Variants in DOCK1 observed in about 807,000 individuals in gnomAD.
DOCK1 encodes the protein dedicator of cytokinesis protein 1.
In DOCK1, 138 loss-of-function variants were observed where a neutral mutation model predicts 262.7. That is an observed-to-expected ratio of 0.53 (90% CI 0.46 to 0.61). The LOEUF (loss-of-function observed/expected upper bound fraction) is 0.61, where lower values mean the gene tolerates loss of function less well. Ranked by LOEUF, DOCK1 falls within the 20% of genes least tolerant of loss-of-function variation. The pLI, the probability that DOCK1 is intolerant of heterozygous loss-of-function variation, is 0.00. For missense variants in DOCK1, 1,908 were observed against 2,370.7 expected (o/e 0.80, Z 4.05); for synonymous variants, 866 against 867.4 (o/e 1.00, Z 0.03).
intron 23 of DOCK1, among the ~76,000 whole-genome samples, chr10:127,067,336 A>G (rs9418829): frequency 0.68 from 103,098 of 151,980 alleles, 35,207 homozygotes; most frequent in South Asian, 0.74. Flanking sequence ...GTCCACAAAT[A>G]TTACTACCTT....
At chr10:127,154,024 A>C in intron 27 of DOCK1, 31 of 797,654 alleles carry the variant, frequency 3.9e-5, no homozygotes, top group Non-Finnish European at 6.8e-5. Flanking sequence ...TGCCAAGCTC[A>C]TCATGGTCAT....
intron 12 of DOCK1, among the ~76,000 whole-genome samples, chr10:127,015,772 C>G (rs1387111748): frequency 1.3e-5 from 2 of 152,088 alleles, no homozygotes; most frequent in Non-Finnish European, 2.9e-5. Context: ...GATTCCATCC[C>G]CACTGTGCTC....
At chr10:127,081,818 A>G (rs1047651012) in intron 23 of DOCK1, among the ~76,000 whole-genome samples, 6 of 152,248 alleles carry the variant, frequency 3.9e-5, no homozygotes, top group Non-Finnish European at 1.5e-5. Flanking sequence ...GAACAAAAAA[A>G]TAGAACCATT....
Position 126,990,607 on chromosome 10 carries a change from T to G in DOCK1, c.473+4T>G. On this transcript the variant is annotated splice_donor_region_variant and intron_variant, in intron 6 of 51. Transcript: ENST00000623213. ...CCAAAATTGATTATGGAAACAGGTTTGTTTATTTGAAAGATGATTTTACGC... is the reference window on the plus strand; with the variant it reads ...CCAAAATTGATTATGGAAACAGGTTGGTTTATTTGAAAGATGATTTTACGC... The G allele has an allele frequency of 6.2e-7, 1 of 1,613,024 alleles. No homozygotes were observed.
intron 28 of DOCK1, among the ~76,000 whole-genome samples, chr10:127,256,774 T>C (rs993382205): frequency 6.6e-6 from 1 of 152,184 alleles, no homozygotes; most frequent in Non-Finnish European, 1.5e-5. Context: ...CGGTAGCTTT[T>C]GGGGATGTAG....
rs771997714 is a variant in DOCK1, at chr10:127,419,699, C to T, written c.4726C>T (p.Pro1576Ser). The T allele has an allele frequency of 8.7e-6, 14 of 1,606,056 alleles. No individual in the cohort carries two copies. The South Asian group carries it at 1.6e-4, about 18-fold the overall frequency. The change falls in exon 46 of 52, where the codon CCT becomes TCT. Residue 1576 changes from proline (P) to serine (S), a missense_variant. This residue lies in a region of DOCK1 where 383 missense variants were observed against 420.1 expected (regional missense o/e 0.91). Transcript: ENST00000623213. The part of the protein sequence containing the change: ...FFTDRYLQEH[P>S]EAHEKIEKLK... The stretch of plus-strand genomic sequence containing the variant: ...TACAGACCGGTACCTGCAGGAGCAC[C>T]CTGAGGCCCATGAAAAGATCGAGAA...
intron 16 of DOCK1, among the ~76,000 whole-genome samples, chr10:127,029,855 G>A (rs1450228008): frequency 1.3e-5 from 2 of 152,276 alleles, no homozygotes; most frequent in Admixed American, 6.5e-5. Context: ...TTTCCTGGAG[G>A]CATGTCTTTT....
chr10:127,019,025 G>A, intron 13 of DOCK1, 190 bp downstream of exon 13: 1 of 875,168 alleles, frequency 1.1e-6, no homozygotes. Context: ...ATGCTCCCTG[G>A]CCCCCTGTAC....
chr10:127,008,626 T>A, intron 10 of DOCK1, 106 bp from the exon 11 acceptor site: 1 of 951,642 alleles, frequency 1.1e-6, no homozygotes, highest in South Asian at 1.5e-5. Context: ...AGAAAACAGC[T>A]TTTGCTGTTG....
intron 27 of DOCK1, among the ~76,000 whole-genome samples, chr10:127,194,288 G>A (rs1389083631): frequency 6.6e-6 from 1 of 152,228 alleles, no homozygotes; most frequent in Non-Finnish European, 1.5e-5. Context: ...GTGAGGAGCA[G>A]TGCCATCTAA....
intron 27 of DOCK1, among the ~76,000 whole-genome samples, chr10:127,244,159 GT>G (rs139897748): frequency 0.087 from 13,028 of 149,510 alleles, 666 homozygotes; most frequent in East Asian, 0.19. Flanking sequence ...GTAAACAACA[GT>G]TTTTTTTTTC....
intron 31 of DOCK1, among the ~76,000 whole-genome samples, chr10:127,345,490 C>A (rs887002577): frequency 2.0e-5 from 3 of 152,210 alleles, no homozygotes; most frequent in Non-Finnish European, 2.9e-5. Context: ...CTGCACCTAT[C>A]TAAGTAAAGA....
chr10:126,992,132 T>C (rs1312840919), intron 6 of DOCK1, among the ~76,000 whole-genome samples: 1 of 152,182 alleles, frequency 6.6e-6, no homozygotes, highest in Admixed American at 6.5e-5. Context: ...ATTTTTATTT[T>C]TTTTTCCAGA....
chr10:127,357,307 T>C (rs2064194079), intron 32 of DOCK1, among the ~76,000 whole-genome samples: 1 of 152,206 alleles, frequency 6.6e-6, no homozygotes, highest in South Asian at 2.1e-4. Context: ...CTGAGATTGA[T>C]CACCACTGAA....
In DOCK1 at chr10:127,001,945, C is replaced by A. The variant is rs570755557; in HGVS notation, c.985+1638C>A. On this transcript the variant is annotated intron_variant, in intron 10 of 51. Transcript: ENST00000623213. ...TGATGACAGCTCACTGCTGCCCCGA[C>A]CTCCTGGGCTCAAGTGATCCTCCTG... Among the ~76,000 whole-genome samples the A allele has an allele frequency of 3.8e-4, 58 of 152,314 alleles. 1 individual carries two copies. In the East Asian group the frequency reaches 0.011, roughly 29 times the overall value.
At chr10:126,908,483 C>T (rs2031278729) in intron 1 of DOCK1, among the ~76,000 whole-genome samples, 1 of 152,218 alleles carries the variant, frequency 6.6e-6, no homozygotes, top group Admixed American at 6.5e-5. Context: ...GATAAAACTC[C>T]ATCTCATTTG....
chr10:127,198,703 C>G (rs1447196192), intron 27 of DOCK1, among the ~76,000 whole-genome samples: 2 of 151,118 alleles, frequency 1.3e-5, no homozygotes, highest in East Asian at 1.9e-4. Flanking sequence ...AGTAGACTTA[C>G]AGTTGTTTTG....
intron 46 of DOCK1, among the ~76,000 whole-genome samples, chr10:127,420,770 C>T (rs1046456152): frequency 6.6e-6 from 1 of 151,048 alleles, no homozygotes; most frequent in Admixed American, 6.6e-5. Context: ...ACCCGGGAGG[C>T]GGAGGTTGCA....
At chr10:127,289,870 CTT>C (rs35573082) in intron 29 of DOCK1, among the ~76,000 whole-genome samples, 10 of 140,926 alleles carry the variant, frequency 7.1e-5, no homozygotes, top group African/African-American at 1.5e-4. Context: ...ATGTCTTATG[CTT>C]TTTTTTTTTT....
Sources: allele counts gnomAD v4.1 joint callset (sites outside exome capture counted in the v4.1 genomes callset), GRCh38; gene constraint gnomAD v4.1.1; regional missense constraint gnomAD v4.1.1; transcripts MANE v1.5; gene names NCBI Gene and HGNC (gene_info 2026-07-23, HGNC 2026-07-21).